The following DNAH8 variants were observed in gnomAD, a reference collection of about 807,000 sequenced individuals.
The protein encoded by DNAH8 is axonemal beta dynein heavy chain 8.
A neutral mutation model predicts 562.1 loss-of-function variants in DNAH8; 382 were observed. The observed-to-expected ratio is 0.68, with a 90% confidence interval of 0.63 to 0.74. DNAH8 has a LOEUF of 0.74. DNAH8 is among the 30% of genes least tolerant of loss of function. The pLI, the probability that DNAH8 is intolerant of heterozygous loss-of-function variation, is 0.00. For missense variants in DNAH8, 5,203 were observed against 5,620.4 expected (o/e 0.93, Z 2.37); for synonymous variants, 1,881 against 1,919.4 (o/e 0.98, Z 0.52).
At chr6:38,975,952 T>C (rs1583489093) in intron 85 of DNAH8, among the ~76,000 whole-genome samples, 1 of 152,164 alleles carries the variant, frequency 6.6e-6, no homozygotes, top group African/African-American at 2.4e-5. Context: ...ATTATCCAAG[T>C]GCTAAAGGGA....
intron 75 of DNAH8, among the ~76,000 whole-genome samples, chr6:38,930,949 C>A (rs1007502837): frequency 6.6e-6 from 1 of 152,098 alleles, no homozygotes; most frequent in Non-Finnish European, 1.5e-5. Context: ...CTGTTCTATT[C>A]TCTGCTTCTA....
At chr6:38,767,436 T>G (rs111322753) in intron 11 of DNAH8, among the ~76,000 whole-genome samples, 18,423 of 99,372 alleles carry the variant, frequency 0.19, 1,369 homozygotes, top group Admixed American at 0.3. Context: ...AAACTCCATC[T>G]CAGGAAAAAA....
intron 33 of DNAH8, among the ~76,000 whole-genome samples, chr6:38,838,385 C>T (rs1031098996): frequency 6.6e-6 from 1 of 151,664 alleles, no homozygotes; most frequent in Non-Finnish European, 1.5e-5. Flanking sequence ...GAGGAATAAC[C>T]TTCCTGGCTC....
intron 91 of DNAH8, among the ~76,000 whole-genome samples, chr6:39,013,960 A>G (rs188351637): frequency 6.6e-6 from 1 of 152,252 alleles, no homozygotes; most frequent in East Asian, 1.9e-4. Flanking sequence ...ATGTGGCTGA[A>G]TTCCCTTGGT....
intron 51 of DNAH8, 43 bp downstream of exon 51, chr6:38,873,190 A>C: frequency 6.2e-7 from 1 of 1,612,796 alleles, no homozygotes; most frequent in Non-Finnish European, 8.5e-7. Flanking sequence ...GAGTCTCTCC[A>C]CGTTTCACTT....
intron 24 of DNAH8, among the ~76,000 whole-genome samples, chr6:38,812,747 A>G (rs977377904): frequency 6.6e-6 from 1 of 152,156 alleles, no homozygotes; most frequent in African/African-American, 2.4e-5. Context: ...TGAAAAAAAA[A>G]AGCCTATTCT....
intron 3 of DNAH8, among the ~76,000 whole-genome samples, chr6:38,724,395 A>C (rs1309673102): frequency 6.6e-6 from 1 of 152,220 alleles, no homozygotes; most frequent in Non-Finnish European, 1.5e-5. Context: ...TTAGAGGCAT[A>C]GTTGAGTGGT....
intron 6 of DNAH8, 49 bp from the exon 7 acceptor site, chr6:38,737,751 TATATTTAAA>T (rs1764208817): frequency 5.6e-6 from 4 of 712,236 alleles, no homozygotes; most frequent in Non-Finnish European, 7.6e-6. Flanking sequence ...TTTTTATTAA[TATATTTAAA>T]ATATTTAATA....
Position 38,815,128 on chromosome 6 carries a change from TA to T in DNAH8, c.3334-338del, listed in dbSNP as rs556867601. Among the ~76,000 whole-genome samples, 294 of 152,356 alleles carry T rather than the reference TA, an allele frequency of 1.9e-3. 1 individual carries two copies. Among genetic ancestry groups the T allele is most frequent in the African/African-American group, 6.7e-3 (280 of 41,590 alleles). On this transcript the variant is annotated intron_variant, in intron 25 of 92. Transcript: ENST00000327475. ...TCATAGATCTCTAACACATAGTCTG[TA>T]ATTTCCCACTGCATTCTGCCACCCT...
intron 18 of DNAH8, among the ~76,000 whole-genome samples, chr6:38,789,085 A>G (rs1468055139): frequency 6.6e-6 from 1 of 152,250 alleles, no homozygotes; most frequent in Non-Finnish European, 1.5e-5. Context: ...TTTGCATTAC[A>G]TCTTGCAAGA....
intron 57 of DNAH8, among the ~76,000 whole-genome samples, chr6:38,889,725 A>T (rs550110584): frequency 1.3e-5 from 2 of 152,326 alleles, no homozygotes; most frequent in South Asian, 4.2e-4. Flanking sequence ...TCTAGAATAT[A>T]GGATTTCAGG....
At position 39,030,714 on chromosome 6, in the gene DNAH8, C is replaced by T. The variant is rs1402530750; in HGVS notation, c.*322C>T. 6.6e-6 allele frequency among the ~76,000 whole-genome samples: 1 copy of T among 152,178 alleles called. No individual in the cohort carries two copies. The highest frequency in any genetic ancestry group is 2.4e-5 in the African/African-American group (1 of 41,440). ...ATTTGAAAGTGTTGATATGTGACATCCTAAAAAGAGCCTAGTAGTTGTAAA... is the reference window on the plus strand; with the variant it reads ...ATTTGAAAGTGTTGATATGTGACATTCTAAAAAGAGCCTAGTAGTTGTAAA... On this transcript the variant is annotated 3_prime_UTR_variant, in exon 93 of 93. Coordinates refer to ENST00000327475, the MANE Select transcript of DNAH8 (RefSeq NM_001206927.2).
chr6:38,890,097 T>C (rs909862026), intron 57 of DNAH8, among the ~76,000 whole-genome samples: 1 of 152,160 alleles, frequency 6.6e-6, no homozygotes, highest in Non-Finnish European at 1.5e-5. Flanking sequence ...CCTAGGAATG[T>C]TGCATGTCTA....
chr6:38,956,067 T>C (rs1762223318), intron 82 of DNAH8, among the ~76,000 whole-genome samples: 1 of 152,162 alleles, frequency 6.6e-6, no homozygotes, highest in South Asian at 2.1e-4. Context: ...CCAACATCGA[T>C]CTTGGCAGTG....
At chr6:38,723,977 A>G (rs971023488) in intron 3 of DNAH8, among the ~76,000 whole-genome samples, 4 of 146,424 alleles carry the variant, frequency 2.7e-5, no homozygotes, top group African/African-American at 1.1e-4. Context: ...AAATTTAATT[A>G]ATTAATTAAT....
chr6:39,023,887 C>G (rs1420208459), intron 91 of DNAH8, among the ~76,000 whole-genome samples: 2 of 152,192 alleles, frequency 1.3e-5, no homozygotes, highest in African/African-American at 2.4e-5. Flanking sequence ...CTTAATAGTA[C>G]AAGGTAATGT....
Position 38,938,195 on chromosome 6 carries a change from T to C in DNAH8, c.11785T>C (p.Phe3929Leu). The change falls in exon 78 of 93, where the codon TTC (phenylalanine) becomes CTC (leucine). Residue 3929 changes from phenylalanine to leucine, a missense_variant. Phe to Leu is a conservative substitution (Grantham distance 22). Coordinates refer to ENST00000327475, the MANE Select transcript of DNAH8 (RefSeq NM_001206927.2). Reference protein sequence around the residue: ...NIMYQTSLAQFLKLFDQSMAR... With the variant: ...NIMYQTSLAQLLKLFDQSMAR... The stretch of plus-strand genomic sequence containing the variant: ...CATGTATCAGACGTCATTGGCCCAG[T>C]TCTTGAAGTTATTTGACCAGTCCAT... 1 of 1,613,544 alleles carries C rather than the reference T, an allele frequency of 6.2e-7. No individual in the cohort carries two copies. Among genetic ancestry groups the C allele is most frequent in the South Asian group, 1.1e-5 (1 of 91,066 alleles).
chr6:38,973,811 C>T lies in DNAH8; in HGVS notation c.12676C>T (p.Gln4226Ter). The change falls in exon 84 of 93, where the codon CAG (glutamine) becomes TAG (stop). Residue 4226 changes from glutamine (Q) to a stop codon, truncating the protein, a stop_gained and splice_region_variant. Transcript: ENST00000327475. LOFTEE classifies it high-confidence loss of function. The part of the protein sequence containing the change: ...PHDRFPITLL[Q>*]TSLKFTNEPP... Reference sequence around the variant, plus strand: ...TGATCGATTTCCAATTACATTGCTTCAGGTTTGTTACTAAACGTCTTTTCA... The same window carrying T: ...TGATCGATTTCCAATTACATTGCTTTAGGTTTGTTACTAAACGTCTTTTCA... 6.3e-7 allele frequency: 1 copy of T among 1,595,458 alleles called. No individual in the cohort carries two copies. The highest frequency in any genetic ancestry group is 8.5e-7 in the Non-Finnish European group (1 of 1,174,278).
At chr6:38,844,301 T>C (rs1263091092) in intron 35 of DNAH8, among the ~76,000 whole-genome samples, 1 of 152,240 alleles carries the variant, frequency 6.6e-6, no homozygotes, top group African/African-American at 2.4e-5. Context: ...TGTCTTTTTT[T>C]TAAGTCTGGC....
Sources: allele counts gnomAD v4.1 joint callset (sites outside exome capture counted in the v4.1 genomes callset), GRCh38; gene constraint gnomAD v4.1.1; transcripts MANE v1.5; gene names NCBI Gene and HGNC (gene_info 2026-07-23, HGNC 2026-07-21).